The following LIN52 variants were observed in gnomAD, a reference collection of about 807,000 sequenced individuals.
LIN52 encodes protein lin-52 homolog.
LIN52 carries 4 observed loss-of-function variants against 18.5 expected under a neutral mutation model. The observed-to-expected ratio is 0.22, with a 90% CI of 0.11 to 0.49. The LOEUF (loss-of-function observed/expected upper bound fraction) is 0.49, where lower values mean the gene tolerates loss of function less well. Ranked by LOEUF, LIN52 falls within the 20% of genes least tolerant of loss-of-function variation. LIN52 has a pLI of 0.97. For synonymous variants in LIN52, 34 were observed against 45.5 expected (o/e 0.75, Z 1.02); for missense variants, 102 against 139.5 (o/e 0.73, Z 1.35).
At chr14:74,129,424 T>C (rs1358255136) in intron 5 of LIN52, among the ~76,000 whole-genome samples, 2 of 152,156 alleles carry the variant, frequency 1.3e-5, no homozygotes, top group African/African-American at 2.4e-5. Flanking sequence ...TGGCTTTAGA[T>C]TGGAAGAGAG....
chr14:74,108,428 C>G (rs530216419), intron 5 of LIN52, among the ~76,000 whole-genome samples: 17 of 152,272 alleles, frequency 1.1e-4, no homozygotes, highest in Middle Eastern at 3.4e-3. Context: ...TGTGGTAACT[C>G]TATATCTGAT....
At chr14:74,161,975 C>G (rs1416261448) in intron 5 of LIN52, among the ~76,000 whole-genome samples, 2 of 152,144 alleles carry the variant, frequency 1.3e-5, no homozygotes, top group Admixed American at 6.5e-5. Context: ...GCTGTTGGGT[C>G]CAACTCCAGT....
intron 5 of LIN52, among the ~76,000 whole-genome samples, chr14:74,172,234 C>G (rs2061275113): frequency 6.6e-6 from 1 of 152,034 alleles, no homozygotes; most frequent in Admixed American, 6.6e-5. Flanking sequence ...CTGTGAACTC[C>G]TTTTACATCA....
At chr14:74,141,304 A>T (rs2061129147) in intron 5 of LIN52, among the ~76,000 whole-genome samples, 1 of 152,242 alleles carries the variant, frequency 6.6e-6, no homozygotes, top group Admixed American at 6.5e-5. Context: ...CCATACACAG[A>T]TGCAATCATA....
chr14:74,197,912 T>C (rs2078924320), intron 5 of LIN52, among the ~76,000 whole-genome samples: 1 of 152,238 alleles, frequency 6.6e-6, no homozygotes, highest in Non-Finnish European at 1.5e-5. Flanking sequence ...GTGAAGGTCC[T>C]TCTCATTCCT....
At chr14:74,102,916 ACC>A (rs1385257110) in intron 5 of LIN52, among the ~76,000 whole-genome samples, 1 of 151,902 alleles carries the variant, frequency 6.6e-6, no homozygotes, top group African/African-American at 2.4e-5. Context: ...CGGAATAATG[ACC>A]CATGGCCCAG....
rs753999253 is a variant in LIN52, at chr14:74,101,263, CA to C, written c.283+26del. 12 of 1,559,118 alleles carry C rather than the reference CA, an allele frequency of 7.7e-6. No individual in the cohort carries two copies. The South Asian group carries it at 1.4e-4, about 18-fold the overall frequency. On this transcript the variant is annotated intron_variant, in intron 5 of 5. Transcript: ENST00000555028. ...TGTGAGTACCCCGATCGCATTTGTT[CA>C]GGGGTGTATTCCACCCTGAGCTGTG...
At chr14:74,183,828 CT>C (rs1220037064) in intron 5 of LIN52, among the ~76,000 whole-genome samples, 1 of 152,088 alleles carries the variant, frequency 6.6e-6, no homozygotes, top group Non-Finnish European at 1.5e-5. Context: ...AAGATCCCCC[CT>C]TTTTTGAAAC....
chr14:74,159,569 T>A (rs1232370903), intron 5 of LIN52, among the ~76,000 whole-genome samples: 1 of 1,940 alleles, frequency 5.2e-4, no homozygotes, highest in Admixed American at 4.3e-3. Flanking sequence ...TGGGGTTTGT[T>A]TTTTTTTTTT....
chr14:74,135,318 C>G (rs1294660453), intron 5 of LIN52, among the ~76,000 whole-genome samples: 1 of 152,174 alleles, frequency 6.6e-6, no homozygotes, highest in East Asian at 1.9e-4. Context: ...CCGCGTTGGC[C>G]TCCCAAAGTG....
chr14:74,167,807 A>G (rs547355391), intron 5 of LIN52, among the ~76,000 whole-genome samples: 19 of 152,276 alleles, frequency 1.2e-4, no homozygotes, highest in Middle Eastern at 3.4e-3. Flanking sequence ...AGTAACTAGG[A>G]CCACAGGTGT....
intron 5 of LIN52, among the ~76,000 whole-genome samples, chr14:74,148,302 A>T (rs2061162087): frequency 6.6e-6 from 1 of 152,178 alleles, no homozygotes; most frequent in Non-Finnish European, 1.5e-5. Flanking sequence ...CTATTTCTTA[A>T]GATTTTGATA....
chr14:74,115,754 C>T (rs1476101147), intron 5 of LIN52, among the ~76,000 whole-genome samples: 1 of 152,308 alleles, frequency 6.6e-6, no homozygotes, highest in East Asian at 1.9e-4. Flanking sequence ...TTAGGATATA[C>T]AAATCTTCAA....
chr14:74,136,981 A>G (rs1432047438), intron 5 of LIN52, among the ~76,000 whole-genome samples: 1 of 152,058 alleles, frequency 6.6e-6, no homozygotes, highest in East Asian at 1.9e-4. Context: ...TTAAAAACTT[A>G]TTTCAAATTA....
chr14:74,099,642 T>A (rs954983432), intron 4 of LIN52, among the ~76,000 whole-genome samples: 5 of 151,994 alleles, frequency 3.3e-5, no homozygotes, highest in African/African-American at 1.2e-4. Context: ...TTTTTTTTAT[T>A]ACTCAGTCTC....
rs758116975 is a variant in LIN52 at position 74,085,003 on chromosome 14, G to A, written c.19+10G>A. ...GCGTCTCCCACAGACGGTAAGAGCC[G>A]GCTTAGAGATCTTTGCCTGCAGCCT... On this transcript the variant is annotated intron_variant, in intron 1 of 5. Coordinates refer to ENST00000555028, the MANE Select transcript of LIN52 (RefSeq NM_001024674.3). The A allele has an allele frequency of 2.2e-6, 3 of 1,394,558 alleles. No individual in the cohort carries two copies. The highest frequency in any genetic ancestry group is 5.5e-5 in the East Asian group (2 of 36,564). 86.4% of individuals were successfully genotyped at this position (1,394,558 alleles called of 1,614,324 possible).
At chr14:74,095,822 T>C (rs1269218904) in intron 2 of LIN52, 126 bp from the exon 3 acceptor site, 2 of 600,904 alleles carry the variant, frequency 3.3e-6, no homozygotes, top group South Asian at 4.6e-5. Context: ...GTTATAGTTA[T>C]TGGTTTATTC....
chr14:74,161,086 G>A (rs1484490860), intron 5 of LIN52, among the ~76,000 whole-genome samples: 1 of 152,160 alleles, frequency 6.6e-6, no homozygotes, highest in Admixed American at 6.6e-5. Flanking sequence ...AGGATTTGGG[G>A]ATAGACCTTA....
At chr14:74,113,363 G>T (rs1002907183) in intron 5 of LIN52, among the ~76,000 whole-genome samples, 2 of 152,140 alleles carry the variant, frequency 1.3e-5, no homozygotes, top group Non-Finnish European at 2.9e-5. Flanking sequence ...CTGCATTCCA[G>T]CCTGGGCAAC....
Sources: allele counts gnomAD v4.1 joint callset (sites outside exome capture counted in the v4.1 genomes callset), GRCh38; gene constraint gnomAD v4.1.1; transcripts MANE v1.5; gene names NCBI Gene and HGNC (gene_info 2026-07-23, HGNC 2026-07-21).